Variants in SEMA5B observed in about 807,000 individuals in gnomAD.
The protein encoded by SEMA5B is semaphorin 5B, also known as semaphorin-5B.
Under a neutral mutation model 135.0 loss-of-function variants are expected in SEMA5B, and 66 were observed. The observed-to-expected ratio is 0.49, with a 90% CI of 0.40 to 0.60. SEMA5B has a LOEUF of 0.60. Ranked by LOEUF, SEMA5B falls within the 20% of genes least tolerant of loss-of-function variation. The pLI is 0.00. For synonymous variants in SEMA5B, 690 were observed against 639.5 expected (o/e 1.08, Z -1.19); for missense variants, 1,501 against 1,566.3 (o/e 0.96, Z 0.70).
intron 4 of SEMA5B, among the ~76,000 whole-genome samples, chr3:122,942,590 G>A (rs1939605824): frequency 1.3e-5 from 2 of 152,152 alleles, no homozygotes. Context: ...ATGTGATGCT[G>A]GGAAGGTCAC....
intron 12 of SEMA5B, among the ~76,000 whole-genome samples, chr3:122,920,272 G>C (rs576058398): frequency 6.6e-6 from 1 of 152,348 alleles, no homozygotes; most frequent in African/African-American, 2.4e-5. Context: ...TCACGCCAAA[G>C]AGTCAGTCAA....
Position 122,912,959 on chromosome 3 carries a change from T to C in SEMA5B, c.2609A>G (p.Glu870Gly). ...TCTCTTGCGGACGCGGAAGCCCAGCTCGCAGTCCCGGGAGCAGGACGACCA... is the reference window on the plus strand; with the variant it reads ...TCTCTTGCGGACGCGGAAGCCCAGCCCGCAGTCCCGGGAGCAGGACGACCA... ...GPWSSCSRDC[E>G]LGFRVRKRTC... Residue 870 changes from glutamate to glycine, a missense_variant, in exon 18 of 23, where the codon GAG (glutamate) becomes GGG (glycine). This residue lies in a region of SEMA5B where 927 missense variants were observed against 881.6 expected (regional missense o/e 1.05). Coordinates refer to ENST00000357599, the MANE Select transcript of SEMA5B (RefSeq NM_001031702.4). The C allele has an allele frequency of 1.2e-6, 2 of 1,612,266 alleles. No homozygotes were observed. The highest frequency in any genetic ancestry group is 8.5e-7 in the Non-Finnish European group (1 of 1,179,308).
chr3:123,025,788 T>C (rs915014463), intron 1 of SEMA5B, among the ~76,000 whole-genome samples: 1 of 152,214 alleles, frequency 6.6e-6, no homozygotes, highest in African/African-American at 2.4e-5. Context: ...AGTGACCAAG[T>C]GGCAAGTTCC....
intron 9 of SEMA5B, among the ~76,000 whole-genome samples, chr3:122,925,334 A>G (rs1400653180): frequency 1.3e-5 from 2 of 151,784 alleles, no homozygotes; most frequent in East Asian, 3.9e-4. Context: ...TGGGCCACAC[A>G]TAAAATACAC....
chr3:122,972,927 A>C (rs1375345415), intron 1 of SEMA5B, among the ~76,000 whole-genome samples: 2 of 151,712 alleles, frequency 1.3e-5, no homozygotes, highest in Non-Finnish European at 2.9e-5. Flanking sequence ...TCCCAGAAAC[A>C]CTCTTATTCC....
intron 1 of SEMA5B, among the ~76,000 whole-genome samples, chr3:122,982,266 G>A (rs1941543841): frequency 6.6e-6 from 1 of 152,342 alleles, no homozygotes; most frequent in South Asian, 2.1e-4. Flanking sequence ...TGGCTCCTGA[G>A]AGGACTGACA....
rs1560346735 is a variant in SEMA5B at position 122,948,640 on chromosome 3, A to T, written c.194T>A (p.Leu65Gln). The change falls in exon 3 of 23, where the codon CTG becomes CAG. Residue 65 changes from leucine to glutamine, a missense_variant. Leu to Gln is a moderately radical substitution (Grantham distance 113). This residue lies in a region of SEMA5B where 574 missense variants were observed against 684.7 expected (regional missense o/e 0.84). Transcript: ENST00000357599. ...EGPIMVLAGP[L>Q]AVSLLLPSLT... is the part of the protein sequence containing the mutation. Reference sequence around the variant, plus strand: ...GCTGGGCAGCAACAGCGAGACAGCCAGGGGGCCTGCAAGCACCATGATAGG... The same window carrying T: ...GCTGGGCAGCAACAGCGAGACAGCCTGGGGGCCTGCAAGCACCATGATAGG... The T allele has an allele frequency of 4.3e-6, 7 of 1,613,896 alleles. No individual in the cohort carries two copies. The highest frequency in any genetic ancestry group is 5.9e-6 in the Non-Finnish European group (7 of 1,179,938).
chr3:122,991,803 C>T (rs766372191), intron 1 of SEMA5B, among the ~76,000 whole-genome samples: 13 of 152,118 alleles, frequency 8.5e-5, no homozygotes, highest in Non-Finnish European at 1.3e-4. Context: ...CCCAGTGGGA[C>T]CTCAGAGGTT....
intron 22 of SEMA5B, among the ~76,000 whole-genome samples, chr3:122,910,572 G>A (rs1937631891): frequency 6.6e-6 from 1 of 152,134 alleles, no homozygotes; most frequent in Non-Finnish European, 1.5e-5. Context: ...CACTTTGGGA[G>A]GCCGAGGCGG....
At chr3:122,922,570 C>T (rs1008032093) in intron 10 of SEMA5B, 123 bp from the exon 11 acceptor site, 9 of 852,162 alleles carry the variant, frequency 1.1e-5, no homozygotes, top group Non-Finnish European at 1.6e-5. Flanking sequence ...CAGCACCCCC[C>T]ACCCCTAGCA....
chr3:122,975,767 A>C (rs1941296990), intron 1 of SEMA5B, among the ~76,000 whole-genome samples: 1 of 152,004 alleles, frequency 6.6e-6, no homozygotes, highest in South Asian at 2.1e-4. Flanking sequence ...TCCATCCTAC[A>C]CAAAGCTGCC....
intron 1 of SEMA5B, among the ~76,000 whole-genome samples, chr3:122,967,354 G>A (rs1940904312): frequency 6.6e-6 from 1 of 152,192 alleles, no homozygotes; most frequent in Non-Finnish European, 1.5e-5. Flanking sequence ...TCAGAAGTAA[G>A]CAAGGATCTT....
intron 2 of SEMA5B, among the ~76,000 whole-genome samples, chr3:122,956,658 C>T (rs1481541754): frequency 2.0e-5 from 3 of 152,140 alleles, no homozygotes; most frequent in Admixed American, 2.0e-4. Flanking sequence ...GCCCCCTGCA[C>T]AACCGAACCC....
chr3:122,979,031 G>A (rs1676473079), intron 1 of SEMA5B, among the ~76,000 whole-genome samples: 1 of 152,192 alleles, frequency 6.6e-6, no homozygotes, highest in African/African-American at 2.4e-5. Flanking sequence ...GGTTCAGAGA[G>A]GGAGACGCAA....
At chr3:122,988,556 C>T (rs1383660747) in intron 1 of SEMA5B, among the ~76,000 whole-genome samples, 1 of 152,246 alleles carries the variant, frequency 6.6e-6, no homozygotes, top group Admixed American at 6.5e-5. Flanking sequence ...GCAATTAACA[C>T]AGAGTGGACA....
At chr3:122,961,421 G>A in intron 1 of SEMA5B, 120 bp from the exon 2 acceptor site, 2 of 927,464 alleles carry the variant, frequency 2.2e-6, no homozygotes, top group Non-Finnish European at 3.2e-6. Context: ...TTTGTTTCTT[G>A]GTGCTGCTTT....
chr3:122,984,499 T>C (rs1403114351), intron 1 of SEMA5B, among the ~76,000 whole-genome samples: 2 of 152,220 alleles, frequency 1.3e-5, no homozygotes, highest in East Asian at 3.8e-4. Flanking sequence ...TGGGCCCATG[T>C]CTTTGTCTCT....
intron 1 of SEMA5B, among the ~76,000 whole-genome samples, chr3:122,976,847 C>T (rs2053653): frequency 0.099 from 15,002 of 152,110 alleles, 794 homozygotes; most frequent in Middle Eastern, 0.16. Flanking sequence ...GTCAGGAGTT[C>T]GAGACCAGCC....
intron 1 of SEMA5B, among the ~76,000 whole-genome samples, chr3:123,013,280 C>T (rs1198097291): frequency 6.6e-6 from 1 of 152,178 alleles, no homozygotes; most frequent in East Asian, 1.9e-4. Context: ...TTAAAACAGG[C>T]TGCTACAGTG....
Sources: allele counts gnomAD v4.1 joint callset (sites outside exome capture counted in the v4.1 genomes callset), GRCh38; gene constraint gnomAD v4.1.1; regional missense constraint gnomAD v4.1.1; transcripts MANE v1.5; gene names NCBI Gene and HGNC (gene_info 2026-07-23, HGNC 2026-07-21).